The following RPS6KA3 variants were observed in gnomAD, a reference collection of about 807,000 sequenced individuals.
RPS6KA3 encodes ribosomal protein S6 kinase A3, also known as ribosomal protein S6 kinase alpha-3.
In RPS6KA3, 4 loss-of-function variants were observed where a neutral mutation model predicts 67.2. The ratio of observed to expected loss-of-function variants is 0.06; its 90% CI spans 0.03 to 0.14. RPS6KA3 has a LOEUF of 0.14. RPS6KA3 is among the 10% of genes least tolerant of loss of function. The pLI, the probability that RPS6KA3 is intolerant of heterozygous loss-of-function variation, is 1.00. For missense variants in RPS6KA3, 204 were observed against 559.0 expected (o/e 0.36, Z 6.40); for synonymous variants, 182 against 183.7 (o/e 0.99, Z 0.07).
intron 2 of RPS6KA3, among the ~76,000 whole-genome samples, chrX:20,211,367 A>T (rs980838832): frequency 1.8e-5 from 2 of 111,220 alleles, no homozygotes; most frequent in African/African-American, 6.5e-5. Context: ...TGGTAGACTT[A>T]GGGCTCAATT....
chrX:20,217,667 C>A (rs1182680353), intron 2 of RPS6KA3, among the ~76,000 whole-genome samples: 4 of 112,184 alleles, frequency 3.6e-5, no homozygotes, highest in African/African-American at 1.3e-4. Context: ...ATAAAAAAGA[C>A]CTTACAAATG....
intron 2 of RPS6KA3, among the ~76,000 whole-genome samples, chrX:20,212,760 T>A (rs2068749857): frequency 9.1e-6 from 1 of 110,493 alleles, no homozygotes; most frequent in African/African-American, 3.3e-5. Flanking sequence ...AAAAGTAGTG[T>A]CTCCCTTTGG....
At chrX:20,162,492 T>C (rs2067329326) in intron 19 of RPS6KA3, among the ~76,000 whole-genome samples, 1 of 108,661 alleles carries the variant, frequency 9.2e-6, no homozygotes, top group Non-Finnish European at 1.9e-5. Flanking sequence ...GAATTGTATA[T>C]ATTAGATAAC....
chrX:20,156,779 T>C (rs770264130), intron 20 of RPS6KA3, among the ~76,000 whole-genome samples: 1 of 111,014 alleles, frequency 9.0e-6, no homozygotes, highest in Non-Finnish European at 1.9e-5. Context: ...CAAGTGTTAC[T>C]CCCGCTTCAG....
intron 1 of RPS6KA3, among the ~76,000 whole-genome samples, chrX:20,251,047 C>G (rs1340024918): frequency 8.9e-6 from 1 of 112,082 alleles, no homozygotes; most frequent in East Asian, 2.8e-4. Flanking sequence ...ACCTTCATTC[C>G]TGAAGGATAT....
intron 2 of RPS6KA3, among the ~76,000 whole-genome samples, chrX:20,218,249 T>G (rs1321920191): frequency 8.9e-6 from 1 of 112,247 alleles, no homozygotes; most frequent in Non-Finnish European, 1.9e-5. Context: ...AGAATAATTC[T>G]TTGAAAATTG....
chrX:20,222,741 C>A (rs191888139), intron 2 of RPS6KA3, among the ~76,000 whole-genome samples: 197 of 111,403 alleles, frequency 1.8e-3, no homozygotes, highest in South Asian at 7.8e-3. Flanking sequence ...GTGTCCAATG[C>A]GGTATCATTA....
chrX:20,244,441 G>A (rs918399083), intron 1 of RPS6KA3, among the ~76,000 whole-genome samples: 1 of 112,473 alleles, frequency 8.9e-6, no homozygotes, highest in Non-Finnish European at 1.9e-5. Flanking sequence ...AAGGAAATAA[G>A]TAACAGCTAT....
chrX:20,234,899 A>G, intron 1 of RPS6KA3, 85 bp from the exon 2 acceptor site: 1 of 727,404 alleles, frequency 1.4e-6, no homozygotes, highest in African/African-American at 2.1e-5. Context: ...AAAAAAAAAA[A>G]ATTGAGGAAG....
chrX:20,164,403 T>C (rs1252424124), intron 18 of RPS6KA3, among the ~76,000 whole-genome samples: 1 of 106,195 alleles, frequency 9.4e-6, no homozygotes, highest in East Asian at 2.9e-4. Context: ...TTTTTTTTTT[T>C]TGAGAGGGGT....
intron 2 of RPS6KA3, among the ~76,000 whole-genome samples, chrX:20,229,645 T>C (rs2069209527): frequency 8.9e-6 from 1 of 112,504 alleles, no homozygotes; most frequent in African/African-American, 3.2e-5. Context: ...AAATTATTAG[T>C]AGTTGACAAA....
intron 2 of RPS6KA3, among the ~76,000 whole-genome samples, chrX:20,232,070 G>T (rs772099333): frequency 3.2e-4 from 36 of 112,068 alleles, no homozygotes; most frequent in Non-Finnish European, 5.5e-4. Flanking sequence ...TAGGATAACA[G>T]GCTATCTATT....
chrX:20,183,834 A>G (rs1452600961), intron 10 of RPS6KA3, among the ~76,000 whole-genome samples: 1 of 112,256 alleles, frequency 8.9e-6, no homozygotes, highest in African/African-American at 3.2e-5. Flanking sequence ...TTTGTCATCC[A>G]TTATAGTAGC....
chrX:20,259,352 AG>A (rs1265337625), intron 1 of RPS6KA3, among the ~76,000 whole-genome samples: 1 of 111,722 alleles, frequency 9.0e-6, no homozygotes, highest in African/African-American at 3.2e-5. Context: ...GCCATTTAGT[AG>A]GGGCAATTAG....
intron 7 of RPS6KA3, among the ~76,000 whole-genome samples, chrX:20,191,863 T>C (rs112647319): frequency 0.024 from 2,693 of 110,725 alleles, 78 homozygotes; most frequent in African/African-American, 0.075. Context: ...ACCTCCCGGA[T>C]TCAAGCGATT....
chrX:20,182,687 T>C (rs924998668), intron 10 of RPS6KA3, among the ~76,000 whole-genome samples: 3 of 111,889 alleles, frequency 2.7e-5, no homozygotes, highest in African/African-American at 9.7e-5. Context: ...TGTGAGTAAC[T>C]AGATTCTTTT....
intron 1 of RPS6KA3, among the ~76,000 whole-genome samples, chrX:20,250,317 T>C (rs994735980): frequency 7.2e-5 from 8 of 111,342 alleles, no homozygotes; most frequent in African/African-American, 2.3e-4. Context: ...GTCTCCCAAG[T>C]ACCTAGGACT....
At chrX:20,165,252 GAAGA>G (rs1365451068) in intron 17 of RPS6KA3, among the ~76,000 whole-genome samples, 192 bp from the exon 18 acceptor site, 3 of 111,821 alleles carry the variant, frequency 2.7e-5, no homozygotes, top group Non-Finnish European at 3.8e-5. Context: ...GGAGGAGGAG[GAAGA>G]AAGAATAGTA....
intron 2 of RPS6KA3, among the ~76,000 whole-genome samples, chrX:20,209,906 A>G (rs965049875): frequency 1.8e-5 from 2 of 112,479 alleles, no homozygotes; most frequent in African/African-American, 6.5e-5. Flanking sequence ...TCTAACCTCA[A>G]TGTGGCTGTT....
Sources: gnomAD v4.1 joint callset for allele counts (sites outside exome capture counted in the v4.1 genomes callset) on GRCh38, gnomAD v4.1.1 for gene constraint, MANE v1.5 for transcripts, NCBI Gene and HGNC (gene_info 2026-07-23, HGNC 2026-07-21) for gene names.